DLGAP2: variants seen among roughly 807,000 people sequenced by gnomAD.
DLGAP2 encodes DLG associated protein 2, also known as disks large-associated protein 2.
Under a neutral mutation model 100.3 loss-of-function variants are expected in DLGAP2, and 26 were observed. That is an observed-to-expected ratio of 0.26 (90% confidence interval 0.19 to 0.36). The LOEUF (loss-of-function observed/expected upper bound fraction) is 0.36, where lower values mean the gene tolerates loss of function less well. Ranked by LOEUF, DLGAP2 falls within the 10% of genes least tolerant of loss-of-function variation. DLGAP2 has a pLI of 1.00. For synonymous variants in DLGAP2, 886 were observed against 630.1 expected (o/e 1.41, Z -6.08); for missense variants, 1,858 against 1,453.2 (o/e 1.28, Z -4.53).
At chr8:936,269 G>T (rs973414373) in intron 2 of DLGAP2, among the ~76,000 whole-genome samples, 1 of 152,106 alleles carries the variant, frequency 6.6e-6, no homozygotes, top group Non-Finnish European at 1.5e-5. Context: ...GAAAGAGAAG[G>T]GGACCCAAGG....
At chr8:964,708 C>G (rs1157447245) in intron 2 of DLGAP2, among the ~76,000 whole-genome samples, 1 of 152,178 alleles carries the variant, frequency 6.6e-6, no homozygotes, top group Non-Finnish European at 1.5e-5. Flanking sequence ...ACCCAAGGGG[C>G]CCAGGCCTTT....
At chr8:1,156,969 C>T (rs1371177607) in intron 2 of DLGAP2, among the ~76,000 whole-genome samples, 1 of 152,080 alleles carries the variant, frequency 6.6e-6, no homozygotes, top group Non-Finnish European at 1.5e-5. Flanking sequence ...GCTTAATTCT[C>T]CACTGTTACA....
chr8:1,667,379 G>T (rs1798571073), intron 8 of DLGAP2, among the ~76,000 whole-genome samples: 1 of 152,102 alleles, frequency 6.6e-6, no homozygotes, highest in South Asian at 2.1e-4. Flanking sequence ...GGTACAGAAT[G>T]CCCCATGCAA....
At chr8:1,106,985 C>T (rs1804795667) in intron 2 of DLGAP2, among the ~76,000 whole-genome samples, 1 of 149,138 alleles carries the variant, frequency 6.7e-6, no homozygotes, top group Non-Finnish European at 1.5e-5. Context: ...GCCAGATAAG[C>T]AGAGTGAGAG....
chr8:930,527 T>G (rs529616423), intron 2 of DLGAP2, among the ~76,000 whole-genome samples: 1 of 152,256 alleles, frequency 6.6e-6, no homozygotes, highest in South Asian at 2.1e-4. Flanking sequence ...GCTGAGTCTT[T>G]TACAATAGAT....
chr8:1,665,642 A>G (rs531781040), intron 8 of DLGAP2, among the ~76,000 whole-genome samples: 40 of 152,364 alleles, frequency 2.6e-4, no homozygotes, highest in African/African-American at 8.4e-4. Flanking sequence ...TTCGGAATCA[A>G]TATTTCTGCT....
intron 2 of DLGAP2, among the ~76,000 whole-genome samples, chr8:1,020,527 T>A (rs1801597441): frequency 6.6e-6 from 1 of 152,198 alleles, no homozygotes; most frequent in Admixed American, 6.5e-5. Flanking sequence ...GTCTCAGAGA[T>A]GGTGCTCACA....
intron 3 of DLGAP2, among the ~76,000 whole-genome samples, chr8:1,463,818 T>C (rs889864704): frequency 1.3e-5 from 2 of 152,190 alleles, no homozygotes; most frequent in Admixed American, 6.5e-5. Flanking sequence ...TCAGGAGCTG[T>C]GGAGGCGATG....
intron 1 of DLGAP2, among the ~76,000 whole-genome samples, chr8:841,200 G>T (rs1796977737): frequency 6.6e-6 from 1 of 152,176 alleles, no homozygotes; most frequent in Non-Finnish European, 1.5e-5. Context: ...AAGTTATCAA[G>T]GAATGAATTG....
At chr8:798,119 T>C (rs1429956210) in intron 1 of DLGAP2, among the ~76,000 whole-genome samples, 5 of 152,234 alleles carry the variant, frequency 3.3e-5, no homozygotes, top group Non-Finnish European at 7.3e-5. Flanking sequence ...ATCAGTTTCT[T>C]GTCTGTCAGC....
intron 2 of DLGAP2, chr8:1,018,612 A>G (rs185178360): frequency 6.6e-6 from 1 of 152,344 alleles, no homozygotes. Context: ...ATTAAAGTTT[A>G]TCTGTCCTCA....
At chr8:1,455,160 G>A (rs1336226012) in intron 3 of DLGAP2, among the ~76,000 whole-genome samples, 18 of 152,338 alleles carry the variant, frequency 1.2e-4, no homozygotes, top group Admixed American at 6.5e-4. Context: ...CTGAGAGCCC[G>A]TCTAAAGCCC....
chr8:962,412 A>G (rs1799747234), intron 2 of DLGAP2, among the ~76,000 whole-genome samples: 1 of 152,184 alleles, frequency 6.6e-6, no homozygotes, highest in Non-Finnish European at 1.5e-5. Context: ...TGCCAGTGCA[A>G]GTCGCTTGCC....
intron 4 of DLGAP2, among the ~76,000 whole-genome samples, chr8:1,516,535 G>C (rs555660535): frequency 2.7e-5 from 4 of 146,750 alleles, no homozygotes; most frequent in East Asian, 2.1e-4. Context: ...CAGTGAGTGA[G>C]TGAGTGCATG....
At chr8:1,273,813 A>G (rs1463353804) in intron 3 of DLGAP2, among the ~76,000 whole-genome samples, 2 of 152,370 alleles carry the variant, frequency 1.3e-5, no homozygotes, top group East Asian at 3.9e-4. Context: ...TTCTGTTCAA[A>G]GAGCAAAAGG....
At chr8:1,486,210 C>G (rs150043946) in intron 3 of DLGAP2, among the ~76,000 whole-genome samples, 3 of 152,142 alleles carry the variant, frequency 2.0e-5, no homozygotes, top group African/African-American at 7.2e-5. Flanking sequence ...GCTTTCATTA[C>G]TTGCCCCAGA....
At position 1,668,432 on chromosome 8, in the gene DLGAP2, C is replaced by G; in HGVS notation, c.1914C>G (p.Thr638=). The G allele has an allele frequency of 6.2e-7, 1 of 1,602,798 alleles. No individual in the cohort carries two copies. Residue 638 remains threonine, a synonymous_variant, in exon 9 of 15, where the codon ACC becomes ACG. Transcript: ENST00000637795. ...SVTAQSSTES[T]QDAYQDSRAQ... is the part of the protein sequence containing the mutation. ...CGGCGCAGAGCAGCACCGAATCCAC[C>G]CAGGACGCCTACCAGGACAGCCGCG... is the stretch of plus-strand genomic sequence containing the variant.
chr8:1,461,120 G>A (rs913357771), intron 3 of DLGAP2, among the ~76,000 whole-genome samples: 49 of 146,204 alleles, frequency 3.4e-4, no homozygotes, highest in Middle Eastern at 3.8e-3. Flanking sequence ...GGGTGCAGTC[G>A]CTGATTTCGT....
At chr8:869,072 C>T (rs1018467158) in intron 1 of DLGAP2, among the ~76,000 whole-genome samples, 6 of 152,198 alleles carry the variant, frequency 3.9e-5, no homozygotes, top group South Asian at 2.1e-4. Flanking sequence ...GTTTCTGGGC[C>T]GGCTGCCCTG....
Sources: allele counts gnomAD v4.1 joint callset (sites outside exome capture counted in the v4.1 genomes callset), GRCh38; gene constraint gnomAD v4.1.1; transcripts MANE v1.5; gene names NCBI Gene and HGNC (gene_info 2026-07-23, HGNC 2026-07-21).